Variants in CDKAL1 observed in about 807,000 individuals in gnomAD.
CDKAL1 encodes the protein CDKAL1 threonylcarbamoyladenosine tRNA methylthiotransferase.
CDKAL1 carries 32 observed loss-of-function variants against 68.2 expected under a neutral mutation model. The observed-to-expected ratio is 0.47, with a 90% CI of 0.35 to 0.63. The LOEUF (loss-of-function observed/expected upper bound fraction) is 0.63, where lower values mean the gene tolerates loss of function less well. Among genes scored for constraint, CDKAL1 ranks in the 30% least tolerant of loss-of-function variants. CDKAL1 has a pLI of 0.00. For missense variants in CDKAL1, 606 were observed against 696.7 expected, an observed-to-expected ratio of 0.87 and a Z score of 1.47; for synonymous variants, 234 against 244.3, an observed-to-expected ratio of 0.96 and a Z score of 0.39.
At chr6:20,958,975 G>A (rs529957323) in intron 10 of CDKAL1, among the ~76,000 whole-genome samples, 8 of 152,290 alleles carry the variant, frequency 5.3e-5, no homozygotes, top group Admixed American at 2.0e-4. Context: ...TTAAAAGTAT[G>A]CCGGGGAAAG....
At chr6:20,836,475 A>G (rs1344539116) in intron 8 of CDKAL1, among the ~76,000 whole-genome samples, 1 of 152,168 alleles carries the variant, frequency 6.6e-6, no homozygotes, top group Non-Finnish European at 1.5e-5. Flanking sequence ...TGTCTCTGTC[A>G]TAGGTTGGCT....
At chr6:21,060,946 C>T (rs1039722475) in intron 11 of CDKAL1, among the ~76,000 whole-genome samples, 1 of 152,080 alleles carries the variant, frequency 6.6e-6, no homozygotes, top group African/African-American at 2.4e-5. Flanking sequence ...GAATTTGAAG[C>T]TCACAATTTA....
intron 8 of CDKAL1, 29 bp from the exon 9 acceptor site, chr6:20,846,046 A>T (rs762612512): frequency 4.2e-5 from 59 of 1,391,846 alleles, no homozygotes; most frequent in Admixed American, 1.3e-4. Flanking sequence ...TAGAAATTTG[A>T]GTCTTATTTA....
intron 10 of CDKAL1, among the ~76,000 whole-genome samples, chr6:20,984,526 G>T (rs1035084786): frequency 6.6e-6 from 1 of 152,132 alleles, no homozygotes; most frequent in Non-Finnish European, 1.5e-5. Context: ...ACACACACTC[G>T]TGGCACCCAA....
intron 9 of CDKAL1, among the ~76,000 whole-genome samples, chr6:20,901,451 G>A (rs1415353019): frequency 4.0e-5 from 6 of 151,678 alleles, no homozygotes; most frequent in Admixed American, 3.9e-4. Flanking sequence ...GAGGCGGGCA[G>A]ATCACAAGGT....
At chr6:20,874,603 C>A (rs1249881211) in intron 9 of CDKAL1, among the ~76,000 whole-genome samples, 1 of 152,078 alleles carries the variant, frequency 6.6e-6, no homozygotes, top group African/African-American at 2.4e-5. Flanking sequence ...GCAACCTCCG[C>A]CTCCAGGTTC....
At chr6:20,661,723 A>G (rs890254723) in intron 5 of CDKAL1, among the ~76,000 whole-genome samples, 2 of 152,212 alleles carry the variant, frequency 1.3e-5, no homozygotes, top group African/African-American at 4.8e-5. Context: ...AGTTTTGTAG[A>G]TATCCAAAAT....
intron 5 of CDKAL1, among the ~76,000 whole-genome samples, chr6:20,721,725 G>GTTTTTTTTTTT (rs145893325): frequency 1.2e-4 from 8 of 67,382 alleles, no homozygotes; most frequent in African/African-American, 3.6e-4. Context: ...ACCAACTTCT[G>GTTTTTTTTTTT]TTTTTTTTTT....
chr6:21,230,753 G>T, intron 15 of CDKAL1, 95 bp from the exon 16 acceptor site: 1 of 970,778 alleles, frequency 1.0e-6, no homozygotes, highest in Non-Finnish European at 1.5e-6. Context: ...GTACATAAAA[G>T]GCGGCACCTT....
intron 15 of CDKAL1, among the ~76,000 whole-genome samples, chr6:21,228,536 T>C (rs544842074): frequency 3.3e-5 from 5 of 152,326 alleles, no homozygotes; most frequent in South Asian, 2.1e-4. Flanking sequence ...ACAGGACACA[T>C]TGATCACCAG....
At chr6:21,107,951 C>A (rs1176756106) in intron 12 of CDKAL1, among the ~76,000 whole-genome samples, 1 of 152,156 alleles carries the variant, frequency 6.6e-6, no homozygotes, top group Non-Finnish European at 1.5e-5. Context: ...AGCAGACAGA[C>A]CCAAGCTGTA....
At chr6:20,848,351 C>CTG (rs1270904128) in intron 9 of CDKAL1, among the ~76,000 whole-genome samples, 1 of 151,764 alleles carries the variant, frequency 6.6e-6, no homozygotes, top group Non-Finnish European at 1.5e-5. Context: ...CCTCCAGACC[C>CTG]TGTTCTCCTG....
intron 10 of CDKAL1, among the ~76,000 whole-genome samples, chr6:20,971,723 T>C (rs1765613281): frequency 6.6e-6 from 1 of 152,190 alleles, no homozygotes; most frequent in Non-Finnish European, 1.5e-5. Context: ...TCTGAATCAG[T>C]TTTATCATTA....
intron 11 of CDKAL1, among the ~76,000 whole-genome samples, chr6:21,014,136 C>T (rs750845994): frequency 1.3e-5 from 2 of 152,190 alleles, no homozygotes; most frequent in Non-Finnish European, 2.9e-5. Flanking sequence ...GTACAGGACA[C>T]TTCACTTATA....
At chr6:21,146,850 CAAAAA>C (rs1194653980) in intron 13 of CDKAL1, among the ~76,000 whole-genome samples, 1 of 78,258 alleles carries the variant, frequency 1.3e-5, no homozygotes, top group Non-Finnish European at 2.4e-5. Flanking sequence ...GACTCCGTCT[CAAAAA>C]AAAAAAAAAA....
intron 8 of CDKAL1, among the ~76,000 whole-genome samples, chr6:20,824,440 G>A (rs1430892632): frequency 1.3e-5 from 2 of 152,136 alleles, no homozygotes; most frequent in Non-Finnish European, 2.9e-5. Flanking sequence ...CTTACCTGAA[G>A]GCTTGACTGG....
At chr6:21,026,900 A>G (rs1405774165) in intron 11 of CDKAL1, among the ~76,000 whole-genome samples, 9 of 152,170 alleles carry the variant, frequency 5.9e-5, no homozygotes, top group African/African-American at 7.2e-5. Flanking sequence ...AAACCTCTCA[A>G]TGAGCCTCAA....
chr6:20,587,753 C>CAAA (rs1435472691), intron 4 of CDKAL1, among the ~76,000 whole-genome samples: 1 of 147,974 alleles, frequency 6.8e-6, no homozygotes, highest in Non-Finnish European at 1.5e-5. Flanking sequence ...AACAAACAAA[C>CAAA]CGCCCCCCTC....
intron 11 of CDKAL1, among the ~76,000 whole-genome samples, chr6:21,007,398 G>A (rs1382187453): frequency 6.7e-6 from 1 of 149,740 alleles, no homozygotes; most frequent in Non-Finnish European, 1.5e-5. Context: ...GGGAGGCTGA[G>A]GTTGAGCCTG....
Sources: allele counts gnomAD v4.1 joint callset (sites outside exome capture counted in the v4.1 genomes callset), GRCh38; gene constraint gnomAD v4.1.1; transcripts MANE v1.5; gene names NCBI Gene and HGNC (gene_info 2026-07-23, HGNC 2026-07-21).